The following FRS2 variants were observed in gnomAD, a reference collection of about 807,000 sequenced individuals.
FRS2 encodes the protein fibroblast growth factor receptor substrate 2, also known as FGFR signalling adaptor.
FRS2 carries 8 observed loss-of-function variants against 43.9 expected under a neutral mutation model. That is an observed-to-expected ratio of 0.18 (90% CI 0.11 to 0.33). The LOEUF is 0.33. Among genes scored for constraint, FRS2 ranks in the 10% least tolerant of loss-of-function variants. The pLI is 1.00. For synonymous variants in FRS2, 219 were observed against 220.3 expected (o/e 0.99, Z 0.05); for missense variants, 534 against 627.6 (o/e 0.85, Z 1.59).
rs1472690962 is a variant in FRS2 at position 69,577,459 on chromosome 12, TA to T, written c.*2505del. ...GGTGCATTTTAGAATGAAATATTGATATTTTATTAGCATATAATTGTGGCCA... is the reference window on the plus strand; with the variant it reads ...GGTGCATTTTAGAATGAAATATTGATTTTTATTAGCATATAATTGTGGCCA... On this transcript the variant is annotated 3_prime_UTR_variant, in exon 9 of 9. Coordinates refer to ENST00000549921, the MANE Select transcript of FRS2 (RefSeq NM_001278356.2). 2.0e-5 allele frequency: 3 copies of T among 152,342 alleles called. No homozygotes were observed. Among genetic ancestry groups the T allele is most frequent in the Admixed American group, 2.0e-4 (3 of 15,286 alleles). The allele number at this position is 152,342 out of a possible 1,614,324, so 9.4% of individuals were successfully genotyped here.
intron 1 of FRS2, among the ~76,000 whole-genome samples, chr12:69,511,351 C>T (rs1483456325): frequency 1.3e-5 from 2 of 152,182 alleles, no homozygotes; most frequent in Non-Finnish European, 2.9e-5. Context: ...ATCTCTTCAT[C>T]ATTTCAGTAG....
chr12:69,521,505 C>CT (rs1282430616), intron 1 of FRS2, among the ~76,000 whole-genome samples: 1 of 152,272 alleles, frequency 6.6e-6, no homozygotes, highest in East Asian at 1.9e-4. Flanking sequence ...ATGCTTCCAG[C>CT]TTTTGCCCTT....
rs1222132585 is a variant in FRS2 at position 69,574,051 on chromosome 12, A to G, written c.623A>G (p.Asn208Ser). The G allele has an allele frequency of 6.2e-7, 1 of 1,613,996 alleles. No individual in the cohort carries two copies. The highest frequency in any genetic ancestry group is 1.3e-5 in the African/African-American group (1 of 75,058). Residue 208 changes from asparagine to serine, a missense_variant, in exon 9 of 9, where the codon AAC becomes AGC. Coordinates refer to ENST00000549921, the MANE Select transcript of FRS2 (RefSeq NM_001278356.2). ...ACAGGTGTGCAAGAAGAGCGGAAAA[A>G]CCGCACAAGTGTGCATGTTCCATTG... The part of the protein sequence containing the change: ...NTTGVQEERK[N>S]RTSVHVPLEA...
intron 1 of FRS2, among the ~76,000 whole-genome samples, chr12:69,490,165 A>G (rs1872340177): frequency 6.6e-6 from 1 of 152,126 alleles, no homozygotes; most frequent in South Asian, 2.1e-4. Flanking sequence ...TTCTTGTTTT[A>G]TAATGAAATA....
chr12:69,501,602 A>G (rs1019482690), intron 1 of FRS2, among the ~76,000 whole-genome samples: 2 of 152,242 alleles, frequency 1.3e-5, no homozygotes, highest in Non-Finnish European at 2.9e-5. Flanking sequence ...TCAGTTTAGC[A>G]TAACAAACAA....
intron 1 of FRS2, among the ~76,000 whole-genome samples, chr12:69,522,162 T>C (rs1875722076): frequency 6.6e-6 from 1 of 151,158 alleles, no homozygotes; most frequent in Non-Finnish European, 1.5e-5. Flanking sequence ...GCATCTATGT[T>C]TATCAAGGAT....
At chr12:69,529,883 A>G (rs1333140723) in intron 1 of FRS2, among the ~76,000 whole-genome samples, 3 of 151,910 alleles carry the variant, frequency 2.0e-5, no homozygotes, top group Non-Finnish European at 2.9e-5. Context: ...AACATGGTGA[A>G]TCCCTGTCTC....
At chr12:69,536,432 A>C (rs1477750335) in intron 3 of FRS2, among the ~76,000 whole-genome samples, 1 of 151,696 alleles carries the variant, frequency 6.6e-6, no homozygotes, top group Non-Finnish European at 1.5e-5. Context: ...CAGTATTTTC[A>C]TTCTTTAGTT....
At chr12:69,559,095 G>C (rs952358324) in intron 3 of FRS2, among the ~76,000 whole-genome samples, 2 of 152,136 alleles carry the variant, frequency 1.3e-5, no homozygotes, top group Non-Finnish European at 2.9e-5. Context: ...AGGATTGCTT[G>C]AGCCCAGAAG....
chr12:69,510,947 T>G (rs1156260825), intron 1 of FRS2, among the ~76,000 whole-genome samples: 1 of 152,226 alleles, frequency 6.6e-6, no homozygotes, highest in Non-Finnish European at 1.5e-5. Context: ...GTTCTGAAAT[T>G]ATCTTCGTGG....
At chr12:69,553,330 C>T (rs1471106137) in intron 3 of FRS2, among the ~76,000 whole-genome samples, 2 of 152,134 alleles carry the variant, frequency 1.3e-5, no homozygotes, top group Non-Finnish European at 2.9e-5. Context: ...CTCAGCCTCC[C>T]AAAGTGCTGG....
intron 3 of FRS2, among the ~76,000 whole-genome samples, chr12:69,553,303 C>T (rs542475486): frequency 6.6e-6 from 1 of 152,118 alleles, no homozygotes; most frequent in Admixed American, 6.5e-5. Flanking sequence ...GAACTGCTCA[C>T]CTCATGATCC....
intron 1 of FRS2, among the ~76,000 whole-genome samples, chr12:69,482,194 A>G (rs2120757176): frequency 6.6e-6 from 1 of 152,358 alleles, no homozygotes; most frequent in South Asian, 2.1e-4. Context: ...TCAAGAAGTC[A>G]ATAGAGTTGC....
intron 1 of FRS2, among the ~76,000 whole-genome samples, chr12:69,527,431 G>GC (rs1325958180): frequency 3.6e-5 from 5 of 137,258 alleles, no homozygotes; most frequent in African/African-American, 1.4e-4. Flanking sequence ...GAATCCTCCT[G>GC]CCTCAGCCTC....
In FRS2 at chr12:69,519,026, G is replaced by A. The variant is rs145221337; in HGVS notation, c.-260-11839G>A. On this transcript the variant is annotated intron_variant, in intron 1 of 8. Coordinates refer to ENST00000549921, the MANE Select transcript of FRS2 (RefSeq NM_001278356.2). ...AAAAAAAAAAAAAAAGTTTTAACTG[G>A]TTTTCATTGACTTCTATTTTTGAAG... Among the ~76,000 whole-genome samples, 670 of 151,908 alleles carry A rather than the reference G, an allele frequency of 4.4e-3. 10 individuals carry two copies. Among genetic ancestry groups the A allele is most frequent in the African/African-American group, 0.016 (646 of 41,440 alleles).
chr12:69,535,028 A>G (rs1273416371), intron 3 of FRS2, among the ~76,000 whole-genome samples: 1 of 152,078 alleles, frequency 6.6e-6, no homozygotes, highest in African/African-American at 2.4e-5. Flanking sequence ...GTAATTGTGT[A>G]TTTCTTTGGC....
intron 1 of FRS2, among the ~76,000 whole-genome samples, chr12:69,515,135 A>G (rs181968870): frequency 6.6e-6 from 1 of 152,382 alleles, no homozygotes; most frequent in Admixed American, 6.5e-5. Context: ...GTGTTGGGAT[A>G]TAAATTCAGA....
At chr12:69,511,786 A>T (rs1874481422) in intron 1 of FRS2, among the ~76,000 whole-genome samples, 1 of 152,234 alleles carries the variant, frequency 6.6e-6, no homozygotes, top group Non-Finnish European at 1.5e-5. Context: ...TAAAATGGGC[A>T]CAGTGTTAGT....
Position 69,574,194 on chromosome 12 carries a change from A to G in FRS2, c.766A>G (p.Thr256Ala), listed in dbSNP as rs1371813695. ...AGGAGTCAAATTTGTTTTAGGGCCAACCCCTGTTCAAAAGCAGTTAATGGA... is the reference window on the plus strand; with the variant it reads ...AGGAGTCAAATTTGTTTTAGGGCCAGCCCCTGTTCAAAAGCAGTTAATGGA... ...PEGVKFVLGP[T>A]PVQKQLMEKE... The change falls in exon 9 of 9, where the codon ACC becomes GCC. Residue 256 changes from threonine to alanine, a missense_variant. Physicochemically the swap from Thr to Ala is moderately conservative, Grantham distance 58. Around this residue, in one of 3 missense-constraint regions of FRS2, gnomAD observed 446 missense variants for 494.2 expected, o/e 0.90. Transcript: ENST00000549921. 1.9e-6 allele frequency: 3 copies of G among 1,614,182 alleles called. No homozygotes were observed. The highest frequency in any genetic ancestry group is 2.5e-6 in the Non-Finnish European group (3 of 1,180,026).
Sources: gnomAD v4.1 joint callset for allele counts (sites outside exome capture counted in the v4.1 genomes callset) on GRCh38, gnomAD v4.1.1 for gene constraint, gnomAD v4.1.1 regional missense constraint, MANE v1.5 for transcripts, NCBI Gene and HGNC (gene_info 2026-07-23, HGNC 2026-07-21) for gene names.